The following PTPRM variants were observed in gnomAD, a reference collection of about 807,000 sequenced individuals.
PTPRM encodes the protein receptor-type tyrosine-protein phosphatase mu.
In PTPRM, 47 loss-of-function variants were observed where a neutral mutation model predicts 186.7. That is an observed-to-expected ratio of 0.25 (90% CI 0.20 to 0.32). The LOEUF (loss-of-function observed/expected upper bound fraction) is 0.32. Ranked by LOEUF, PTPRM falls within the 10% of genes least tolerant of loss-of-function variation. The pLI, the probability that PTPRM is intolerant of heterozygous loss-of-function variation, is 1.00. For missense variants in PTPRM, 1,494 were observed against 1,865.0 expected, an observed-to-expected ratio of 0.80 and a Z score of 3.66; for synonymous variants, 668 against 674.9, an observed-to-expected ratio of 0.99 and a Z score of 0.16.
At chr18:7,625,182 T>A (rs1186608616) in intron 1 of PTPRM, among the ~76,000 whole-genome samples, 2 of 152,226 alleles carry the variant, frequency 1.3e-5, no homozygotes, top group African/African-American at 2.4e-5. Flanking sequence ...AAGGTCTTTT[T>A]AAGCAGGCAT....
intron 7 of PTPRM, among the ~76,000 whole-genome samples, chr18:7,966,147 A>G (rs1052875664): frequency 5.3e-5 from 8 of 152,368 alleles, no homozygotes; most frequent in Non-Finnish European, 1.0e-4. Context: ...CTGCAAGTGA[A>G]TAGAATGCTT....
chr18:8,318,285 C>CTTTT (rs140026832), intron 21 of PTPRM, among the ~76,000 whole-genome samples: 25 of 59,928 alleles, frequency 4.2e-4, no homozygotes, highest in African/African-American at 1.3e-3. Flanking sequence ...TTGTTTCCTT[C>CTTTT]TTTTTTTTTT....
At chr18:8,231,838 C>T (rs761317871) in intron 14 of PTPRM, among the ~76,000 whole-genome samples, 2 of 152,008 alleles carry the variant, frequency 1.3e-5, no homozygotes, top group Admixed American at 1.3e-4. Context: ...ATACGGAGTT[C>T]CCATATAGTT....
intron 1 of PTPRM, among the ~76,000 whole-genome samples, chr18:7,647,938 C>T (rs548324130): frequency 7.9e-5 from 12 of 152,266 alleles, no homozygotes; most frequent in Admixed American, 2.0e-4. Flanking sequence ...AGGCTTACCT[C>T]GTTTTATTGT....
intron 8 of PTPRM, 99 bp downstream of exon 8, chr18:8,070,093 TTA>T: frequency 8.9e-7 from 1 of 1,125,604 alleles, no homozygotes. Flanking sequence ...AAAGAACTAC[TTA>T]TTTTGTTGAA....
intron 14 of PTPRM, among the ~76,000 whole-genome samples, chr18:8,150,138 C>G (rs2092972099): frequency 6.6e-6 from 1 of 152,172 alleles, no homozygotes; most frequent in Non-Finnish European, 1.5e-5. Context: ...TTGCTGTTCT[C>G]AAGCAGTATC....
intron 10 of PTPRM, among the ~76,000 whole-genome samples, chr18:8,087,754 A>C (rs1013844433): frequency 6.6e-6 from 1 of 152,198 alleles, no homozygotes; most frequent in Non-Finnish European, 1.5e-5. Flanking sequence ...GAAGTAACCC[A>C]TATCTGTTAT....
chr18:7,620,506 C>T (rs753069961), intron 1 of PTPRM, among the ~76,000 whole-genome samples: 43 of 152,232 alleles, frequency 2.8e-4, no homozygotes, highest in Non-Finnish European at 4.4e-4. Context: ...GAGGGAGATT[C>T]ACATGCTTTC....
chr18:7,608,056 C>T (rs1285391776), intron 1 of PTPRM, among the ~76,000 whole-genome samples: 1 of 152,140 alleles, frequency 6.6e-6, no homozygotes, highest in East Asian at 1.9e-4. Context: ...CCTTTCACTC[C>T]CCGGTCAGAC....
intron 11 of PTPRM, among the ~76,000 whole-genome samples, chr18:8,103,882 A>G (rs1406049847): frequency 6.6e-6 from 1 of 151,676 alleles, no homozygotes; most frequent in Non-Finnish European, 1.5e-5. Context: ...GAGGCTTGCA[A>G]CTCTTCCTTT....
At chr18:8,391,431 A>G (rs746544489) in intron 31 of PTPRM, among the ~76,000 whole-genome samples, 2 of 152,260 alleles carry the variant, frequency 1.3e-5, no homozygotes, top group Non-Finnish European at 2.9e-5. Context: ...TAAACTACCA[A>G]TATAACACCG....
intron 14 of PTPRM, among the ~76,000 whole-genome samples, chr18:8,217,428 CT>C (rs977286333): frequency 2.0e-5 from 3 of 152,184 alleles, no homozygotes; most frequent in Admixed American, 2.0e-4. Context: ...CACCTACATT[CT>C]TTCTAAAGAC....
intron 2 of PTPRM, among the ~76,000 whole-genome samples, chr18:7,865,952 A>G (rs1356617636): frequency 6.6e-6 from 1 of 151,530 alleles, no homozygotes; most frequent in African/African-American, 2.4e-5. Flanking sequence ...TTTCTTCTAG[A>G]TTTTCTAGTT....
chr18:7,715,013 C>A (rs915632618), intron 1 of PTPRM, among the ~76,000 whole-genome samples: 18 of 152,114 alleles, frequency 1.2e-4, no homozygotes, highest in Non-Finnish European at 2.4e-4. Context: ...TTTATGAGGC[C>A]AACATCATCC....
intron 20 of PTPRM, among the ~76,000 whole-genome samples, chr18:8,301,105 A>C (rs534090654): frequency 6.6e-6 from 1 of 152,350 alleles, no homozygotes; most frequent in Admixed American, 6.5e-5. Context: ...AACTAGAATA[A>C]GGAATTGGGA....
intron 20 of PTPRM, among the ~76,000 whole-genome samples, chr18:8,313,730 T>A (rs1235099006): frequency 6.6e-6 from 1 of 152,140 alleles, no homozygotes; most frequent in East Asian, 1.9e-4. Flanking sequence ...TAGTCTTTTC[T>A]CCCTTACCCC....
At chr18:8,252,539 G>C (rs777369594) in intron 18 of PTPRM, 40 bp downstream of exon 18, 1 of 1,527,778 alleles carries the variant, frequency 6.5e-7, no homozygotes, top group South Asian at 1.1e-5. Flanking sequence ...GTTGTGGAGG[G>C]AGTGGGAGTG....
intron 1 of PTPRM, among the ~76,000 whole-genome samples, chr18:7,704,079 A>G (rs987261206): frequency 2.0e-5 from 3 of 152,208 alleles, no homozygotes; most frequent in African/African-American, 4.8e-5. Context: ...CTTCGTCAGT[A>G]TTTTATTGAG....
At chr18:7,665,211 T>TTA (rs2039068599) in intron 1 of PTPRM, among the ~76,000 whole-genome samples, 1 of 152,212 alleles carries the variant, frequency 6.6e-6, no homozygotes, top group Non-Finnish European at 1.5e-5. Context: ...TCTTTTCAAC[T>TTA]TATGTATTTC....
Sources: gnomAD v4.1 joint callset for allele counts (sites outside exome capture counted in the v4.1 genomes callset) on GRCh38, gnomAD v4.1.1 for gene constraint, MANE v1.5 for transcripts, NCBI Gene and HGNC (gene_info 2026-07-23, HGNC 2026-07-21) for gene names.